The following CELF2 variants were observed in gnomAD, a reference collection of about 807,000 sequenced individuals.
CELF2 encodes CUG triplet repeat RNA-binding protein 2.
A neutral mutation model predicts 62.6 loss-of-function variants in CELF2; 8 were observed. The observed-to-expected ratio is 0.13, with a 90% CI of 0.07 to 0.23. The LOEUF (loss-of-function observed/expected upper bound fraction) is 0.23. CELF2 is among the 10% of genes least tolerant of loss of function. The pLI, the probability that CELF2 is intolerant of heterozygous loss-of-function variation, is 1.00. For missense variants in CELF2, 333 were observed against 671.0 expected (o/e 0.50, Z 5.56); for synonymous variants, 258 against 250.0 (o/e 1.03, Z -0.30).
At chr10:10,466,039 A>G in the CELF2 span, among the ~76,000 whole-genome samples, 1 of 152,144 alleles carries the variant, frequency 6.6e-6, no homozygotes, top group Non-Finnish European at 1.5e-5. Context: ...TCCAAGAAAC[A>G]AGAATGTCTT....
the CELF2 span, among the ~76,000 whole-genome samples, chr10:10,517,748 C>T: frequency 6.6e-6 from 1 of 152,304 alleles, no homozygotes; most frequent in African/African-American, 2.4e-5. Context: ...TGCCCAGATG[C>T]TGCCATAATT....
Position 11,248,959 on chromosome 10 carries a change from C to T in CELF2, c.355-194C>T, listed in dbSNP as rs750182737. The stretch of plus-strand genomic sequence containing the variant: ...AAATATGTTCTGTGTTACAGGGCCC[C>T]GTGACTTCAAAGGGTTTGATTCCCG... On this transcript the variant is annotated intron_variant, in intron 3 of 12. Transcript: ENST00000633077. Among the ~76,000 whole-genome samples the T allele has an allele frequency of 5.9e-5, 9 of 152,174 alleles. No individual in the cohort carries two copies. In the East Asian group the frequency reaches 7.7e-4, roughly 13 times the overall value.
chr10:10,615,493 G>A, the CELF2 span, among the ~76,000 whole-genome samples: 1 of 152,080 alleles, frequency 6.6e-6, no homozygotes, highest in African/African-American at 2.4e-5. Flanking sequence ...TGATGTTGCT[G>A]TTTAAAATGG....
intron 1 of CELF2, among the ~76,000 whole-genome samples, chr10:11,050,586 T>G (rs1287313581): frequency 6.6e-6 from 1 of 152,206 alleles, no homozygotes; most frequent in Admixed American, 6.5e-5. Context: ...CTGTGCATTC[T>G]TACTCTTTAA....
At chr10:11,235,577 T>G (rs557124099) in intron 3 of CELF2, among the ~76,000 whole-genome samples, 2 of 152,290 alleles carry the variant, frequency 1.3e-5, no homozygotes, top group Admixed American at 6.5e-5. Context: ...GAAATTAAAC[T>G]CAAACTCATG....
Position 11,110,831 on chromosome 10 carries a change from T to G in CELF2, c.75-54655T>G, listed in dbSNP as rs2054959960. On this transcript the variant is annotated intron_variant, in intron 1 of 12. Transcript: ENST00000633077. The surrounding 1 kb of genome is among the most constrained non-coding windows in gnomAD (Gnocchi z 4.0). ...AACCCTGACCTTAACCACCACCTCA[T>G]TTCATGCCCGAGAGCTTGGAAGCCT... is the stretch of plus-strand genomic sequence containing the variant. Among the ~76,000 whole-genome samples, 1 of 152,108 alleles carries G rather than the reference T, an allele frequency of 6.6e-6. No homozygotes were observed. The highest frequency in any genetic ancestry group is 1.5e-5 in the Non-Finnish European group (1 of 68,004).
chr10:10,734,550 G>A, the CELF2 span, among the ~76,000 whole-genome samples: 1 of 152,126 alleles, frequency 6.6e-6, no homozygotes, highest in Admixed American at 6.5e-5. Context: ...AACCCAGGAC[G>A]GCTGGCAAAT....
intron 2 of CELF2, chr10:10,927,282 T>C (rs1187467780): frequency 6.9e-6 from 1 of 145,832 alleles, no homozygotes; most frequent in East Asian, 2.0e-4. Flanking sequence ...AAAGAACTCT[T>C]GAACCCTACC....
At chr10:10,744,587 C>G in the CELF2 span, among the ~76,000 whole-genome samples, 1 of 152,152 alleles carries the variant, frequency 6.6e-6, no homozygotes, top group Non-Finnish European at 1.5e-5. Context: ...CTGCCCTATA[C>G]GGCAAATCCC....
chr10:10,820,328 G>T (rs957219296), intron 1 of CELF2, among the ~76,000 whole-genome samples: 1 of 152,138 alleles, frequency 6.6e-6, no homozygotes, highest in Non-Finnish European at 1.5e-5. Context: ...TCTGTAACTT[G>T]TCCTGCACAG....
chr10:10,529,454 A>G, the CELF2 span, among the ~76,000 whole-genome samples: 10 of 152,266 alleles, frequency 6.6e-5, no homozygotes, highest in East Asian at 1.7e-3. Context: ...TGGGAGGCCA[A>G]CGTGGGCGGA....
At chr10:10,921,857 G>C (rs1050229683) in intron 2 of CELF2, among the ~76,000 whole-genome samples, 2 of 152,186 alleles carry the variant, frequency 1.3e-5, no homozygotes, top group Non-Finnish European at 1.5e-5. Flanking sequence ...CGCCTGGCTC[G>C]TGCCTTAGTT....
At chr10:10,764,369 A>T in the CELF2 span, among the ~76,000 whole-genome samples, 1 of 152,236 alleles carries the variant, frequency 6.6e-6, no homozygotes, top group Non-Finnish European at 1.5e-5. Flanking sequence ...CTTCACCCTT[A>T]GCCATTTTTA....
At chr10:10,488,234 G>A in the CELF2 span, among the ~76,000 whole-genome samples, 1 of 151,900 alleles carries the variant, frequency 6.6e-6, no homozygotes, top group East Asian at 1.9e-4. Context: ...TCCTTATTTG[G>A]AAATCAATAT....
chr10:10,971,944 A>G (rs949850579), intron 2 of CELF2, among the ~76,000 whole-genome samples: 5 of 152,188 alleles, frequency 3.3e-5, no homozygotes, highest in African/African-American at 9.7e-5. Flanking sequence ...TAATTGGAAA[A>G]TAAAATAGGT....
chr10:10,516,000 G>A, the CELF2 span, among the ~76,000 whole-genome samples: 3 of 152,114 alleles, frequency 2.0e-5, no homozygotes, highest in South Asian at 2.1e-4. Context: ...TAACCAGCTC[G>A]GGTGAGACTA....
At chr10:10,529,092 T>C in the CELF2 span, among the ~76,000 whole-genome samples, 1 of 152,226 alleles carries the variant, frequency 6.6e-6, no homozygotes, top group Non-Finnish European at 1.5e-5. Flanking sequence ...TGTATGCTCA[T>C]TAATGGCAAT....
Position 10,979,530 on chromosome 10 carries a change from G to T in CELF2, c.89+59531G>T, listed in dbSNP as rs187543806. Among the ~76,000 whole-genome samples, 960 of 152,070 alleles carry T rather than the reference G, an allele frequency of 6.3e-3. 8 individuals are homozygous for T. The highest frequency in any genetic ancestry group is 7.2e-3 in the Non-Finnish European group (488 of 67,986). On this transcript the variant is annotated intron_variant, in intron 2 of 13. Coordinates refer to the CELF2 transcript ENST00000636488. ...TACGAAAAATATAAAAATTAGCCGGGCATGGTGGTGCATACCTGTAGTCTC... is the reference window on the plus strand; with the variant it reads ...TACGAAAAATATAAAAATTAGCCGGTCATGGTGGTGCATACCTGTAGTCTC...
intron 8 of CELF2, among the ~76,000 whole-genome samples, chr10:11,277,722 A>G (rs915517716): frequency 2.0e-5 from 3 of 152,264 alleles, no homozygotes; most frequent in African/African-American, 7.2e-5. Context: ...GATAGTTTGT[A>G]TAACATAAAA....
Sources: gnomAD v4.1 joint callset for allele counts (sites outside exome capture counted in the v4.1 genomes callset) on GRCh38, gnomAD v4.1.1 for gene constraint, Gnocchi (gnomAD v3.1) non-coding constraint, MANE v1.5 for transcripts, NCBI Gene and HGNC (gene_info 2026-07-23, HGNC 2026-07-21) for gene names.